The following CLSTN2 variants were observed in gnomAD, a reference collection of about 807,000 sequenced individuals.
CLSTN2 encodes calsyntenin-2.
Under a neutral mutation model 101.2 loss-of-function variants are expected in CLSTN2, and 48 were observed. The observed-to-expected ratio is 0.47, with a 90% CI of 0.38 to 0.60. The LOEUF is 0.60. CLSTN2 is among the 20% of genes least tolerant of loss of function. The pLI is 0.00. For missense variants in CLSTN2, 1,160 were observed against 1,238.2 expected (o/e 0.94, Z 0.95); for synonymous variants, 481 against 463.6 (o/e 1.04, Z -0.48).
At chr3:140,207,256 A>G (rs559772964) in intron 2 of CLSTN2, among the ~76,000 whole-genome samples, 2 of 152,352 alleles carry the variant, frequency 1.3e-5, no homozygotes, top group South Asian at 2.1e-4. Context: ...ACAGTGAGGT[A>G]GTGTCCCAGA....
At chr3:139,995,744 G>A (rs1206433198) in intron 1 of CLSTN2, among the ~76,000 whole-genome samples, 1 of 152,182 alleles carries the variant, frequency 6.6e-6, no homozygotes, top group African/African-American at 2.4e-5. Flanking sequence ...GTGCTCAGGG[G>A]TAAAGGGGGA....
intron 1 of CLSTN2, among the ~76,000 whole-genome samples, chr3:140,115,924 G>T (rs546110287): frequency 6.6e-6 from 1 of 152,176 alleles, no homozygotes; most frequent in Non-Finnish European, 1.5e-5. Flanking sequence ...TAAGAAATCG[G>T]ATCGGTTGAT....
intron 2 of CLSTN2, among the ~76,000 whole-genome samples, chr3:140,287,522 C>A (rs536410204): frequency 6.6e-6 from 1 of 152,200 alleles, no homozygotes; most frequent in African/African-American, 2.4e-5. Context: ...TGTGCAGTTT[C>A]TTCTACTTCA....
chr3:140,321,152 G>T (rs1015411852), intron 2 of CLSTN2, among the ~76,000 whole-genome samples: 2 of 152,180 alleles, frequency 1.3e-5, no homozygotes, highest in Admixed American at 1.3e-4. Context: ...GCTTCCCTTG[G>T]CTGTATGATT....
chr3:140,513,186 A>G (rs1242984068), intron 8 of CLSTN2, among the ~76,000 whole-genome samples: 4 of 152,186 alleles, frequency 2.6e-5, no homozygotes. Context: ...GTCTTGTGCC[A>G]GTTTTCAAGG....
At chr3:140,377,022 C>CACAGAGAG (rs148236356) in intron 2 of CLSTN2, among the ~76,000 whole-genome samples, 54,424 of 148,728 alleles carry the variant, frequency 0.37, 11,399 homozygotes, top group Non-Finnish European at 0.48. Flanking sequence ...CACACATACA[C>CACAGAGAG]AGAGAGAGAG....
intron 1 of CLSTN2, among the ~76,000 whole-genome samples, chr3:140,071,932 C>A (rs1044649011): frequency 2.0e-5 from 3 of 152,086 alleles, no homozygotes. Flanking sequence ...GTGAAAACAA[C>A]TATGATATAT....
At chr3:140,005,211 C>A (rs1286763302) in intron 1 of CLSTN2, among the ~76,000 whole-genome samples, 2 of 152,148 alleles carry the variant, frequency 1.3e-5, no homozygotes, top group Middle Eastern at 3.2e-3. Flanking sequence ...GAACCCTTGG[C>A]CACTAGTATT....
At chr3:140,443,211 C>T (rs894881991) in intron 5 of CLSTN2, among the ~76,000 whole-genome samples, 1 of 152,224 alleles carries the variant, frequency 6.6e-6, no homozygotes, top group Non-Finnish European at 1.5e-5. Context: ...GAACTGGAGG[C>T]TCCTGTGCGT....
rs147751280 is a variant in CLSTN2 at position 140,461,789 on chromosome 3, C to T, written c.1222+2020C>T. ...GTCCCCTGAGAAGGCATTCAGCACC[C>T]CCAAATTAGCAGCACCCCAAGCAGC... On this transcript the variant is annotated intron_variant, in intron 7 of 16. Transcript: ENST00000458420. Among the ~76,000 whole-genome samples the T allele has an allele frequency of 4.7e-4, 71 of 152,152 alleles. 1 individual carries two copies. Among genetic ancestry groups the T allele is most frequent in the Middle Eastern group, 6.8e-3 (2 of 294 alleles).
chr3:140,158,816 G>A (rs1471038719), intron 1 of CLSTN2, among the ~76,000 whole-genome samples: 4 of 152,124 alleles, frequency 2.6e-5, no homozygotes, highest in Non-Finnish European at 5.9e-5. Flanking sequence ...GCATGGTACT[G>A]GCACAAAAAC....
chr3:140,478,870 A>AGGAG (rs1934050397), intron 8 of CLSTN2, among the ~76,000 whole-genome samples: 2 of 78,576 alleles, frequency 2.5e-5, no homozygotes, highest in African/African-American at 8.7e-5. Context: ...GGAAGGGGGA[A>AGGAG]GGAGGAAGGA....
chr3:140,250,690 C>G (rs2086556258), intron 2 of CLSTN2, among the ~76,000 whole-genome samples: 1 of 152,146 alleles, frequency 6.6e-6, no homozygotes, highest in Non-Finnish European at 1.5e-5. Flanking sequence ...ATTGGATGAG[C>G]CTTCGCCAGG....
At chr3:140,228,517 T>A (rs2086342749) in intron 2 of CLSTN2, among the ~76,000 whole-genome samples, 1 of 152,228 alleles carries the variant, frequency 6.6e-6, no homozygotes, top group South Asian at 2.1e-4. Context: ...AACCTCTGCA[T>A]GTTACCCAGT....
At chr3:140,124,911 G>A (rs897742644) in intron 1 of CLSTN2, among the ~76,000 whole-genome samples, 10 of 152,182 alleles carry the variant, frequency 6.6e-5, no homozygotes, top group African/African-American at 2.4e-4. Flanking sequence ...GGAAGGGGGA[G>A]CAACAAAGGA....
chr3:140,511,410 T>C (rs1466754626), intron 8 of CLSTN2, among the ~76,000 whole-genome samples: 1 of 152,126 alleles, frequency 6.6e-6, no homozygotes, highest in Non-Finnish European at 1.5e-5. Context: ...GGTCAAATGG[T>C]ATTTCTGCCT....
intron 2 of CLSTN2, among the ~76,000 whole-genome samples, chr3:140,336,772 C>T (rs1332778905): frequency 1.3e-5 from 2 of 152,140 alleles, no homozygotes; most frequent in African/African-American, 2.4e-5. Context: ...TTTCATGGAA[C>T]CATTTGCTGC....
At chr3:140,376,940 C>T (rs11927470) in intron 2 of CLSTN2, among the ~76,000 whole-genome samples, 145,177 of 152,044 alleles carry the variant, frequency 0.95, 69,664 homozygotes, top group East Asian at 1. Context: ...ACTCCCTTGT[C>T]TTTTTCCCTG....
chr3:140,061,652 C>G (rs928243658), intron 1 of CLSTN2, among the ~76,000 whole-genome samples: 4 of 152,190 alleles, frequency 2.6e-5, no homozygotes, highest in African/African-American at 9.7e-5. Flanking sequence ...GGGCTCTAAA[C>G]CAAAGATAAC....
Sources: gnomAD v4.1 joint callset for allele counts (sites outside exome capture counted in the v4.1 genomes callset) on GRCh38, gnomAD v4.1.1 for gene constraint, MANE v1.5 for transcripts, NCBI Gene and HGNC (gene_info 2026-07-23, HGNC 2026-07-21) for gene names.